Variants in PPM1E observed in about 807,000 individuals in gnomAD.
The protein encoded by PPM1E is protein phosphatase 1E.
In PPM1E, 20 loss-of-function variants were observed where a neutral mutation model predicts 65.9. That is an observed-to-expected ratio of 0.30 (90% CI 0.21 to 0.44). The LOEUF (loss-of-function observed/expected upper bound fraction) is 0.44, where lower values mean the gene tolerates loss of function less well. Among genes scored for constraint, PPM1E ranks in the 20% least tolerant of loss-of-function variants. The probability of loss-of-function intolerance (pLI) is 1.00; values close to 1 mark genes in which losing one functional copy is unlikely to be tolerated. For missense variants in PPM1E, 713 were observed against 953.1 expected (o/e 0.75, Z 3.32); for synonymous variants, 352 against 374.9 (o/e 0.94, Z 0.70).
intron 1 of PPM1E, among the ~76,000 whole-genome samples, chr17:58,952,431 C>A (rs984767668): frequency 1.3e-5 from 2 of 152,160 alleles, no homozygotes; most frequent in South Asian, 2.1e-4. Context: ...TGGAAGAAGA[C>A]CTGCCAGCCT....
At chr17:58,759,880 A>AAAAG (rs1252636810) in intron 1 of PPM1E, among the ~76,000 whole-genome samples, 2 of 152,242 alleles carry the variant, frequency 1.3e-5, no homozygotes, top group Non-Finnish European at 2.9e-5. Context: ...AAATCATTAA[A>AAAAG]CTTTATCTAA....
intron 1 of PPM1E, among the ~76,000 whole-genome samples, chr17:58,758,751 T>A (rs1237330358): frequency 6.6e-6 from 1 of 152,172 alleles, no homozygotes; most frequent in African/African-American, 2.4e-5. Context: ...GCTGGCTTGT[T>A]CATGTAAAGT....
At position 58,869,681 on chromosome 17, in the gene PPM1E, CT is replaced by C. The variant is rs1301335813; in HGVS notation, c.465-85965del. Reference sequence around the variant, plus strand: ...ATAAATTACCCAGTCTCAGGTATTCCTTTATAGCAACACAAAGACAGACTAA... The same window carrying C: ...ATAAATTACCCAGTCTCAGGTATTCCTTATAGCAACACAAAGACAGACTAA... On this transcript the variant is annotated intron_variant, in intron 1 of 6. Coordinates refer to ENST00000308249, the MANE Select transcript of PPM1E (RefSeq NM_014906.5). Among the ~76,000 whole-genome samples the C allele has an allele frequency of 2.6e-5, 4 of 152,158 alleles. No homozygotes were observed. The East Asian group carries it at 7.7e-4, about 29-fold the overall frequency.
At chr17:58,873,207 C>T (rs146255527) in intron 1 of PPM1E, among the ~76,000 whole-genome samples, 51 of 152,102 alleles carry the variant, frequency 3.4e-4, no homozygotes, top group African/African-American at 1.2e-3. Flanking sequence ...TTAATATTAA[C>T]GAAATTTAGG....
intron 2 of PPM1E, among the ~76,000 whole-genome samples, chr17:58,956,829 C>G (rs1321414127): frequency 6.6e-6 from 1 of 152,040 alleles, no homozygotes; most frequent in Admixed American, 6.6e-5. Context: ...ATATATGGAG[C>G]AAAGCATATG....
chr17:58,964,941 A>C (rs2030173636), intron 2 of PPM1E, among the ~76,000 whole-genome samples: 1 of 151,856 alleles, frequency 6.6e-6, no homozygotes, highest in Non-Finnish European at 1.5e-5. Context: ...GCCACTTGGG[A>C]GGCTGAGGCA....
chr17:58,944,514 T>C (rs555443960), intron 1 of PPM1E, among the ~76,000 whole-genome samples: 1 of 152,240 alleles, frequency 6.6e-6, no homozygotes, highest in South Asian at 2.1e-4. Context: ...AGCCCTAAGC[T>C]ACCACTACTC....
In PPM1E at chr17:58,982,945, C is replaced by T. The variant is rs73317214; in HGVS notation, c.*1914C>T. On this transcript the variant is annotated 3_prime_UTR_variant, in exon 7 of 7. Coordinates refer to ENST00000308249, the MANE Select transcript of PPM1E (RefSeq NM_014906.5). ...ATCTAAGAAAACAAGAAAACAAAGG[C>T]AGCAGACTATTGGTACACATTATAG... is the stretch of plus-strand genomic sequence containing the variant. The T allele has an allele frequency of 1.8e-3, 2,886 of 1,568,672 alleles. 44 individuals are homozygous for T. The African/African-American group carries it at 0.032, about 17-fold the overall frequency.
At chr17:58,787,903 T>A (rs1288342814) in intron 1 of PPM1E, among the ~76,000 whole-genome samples, 6 of 130,892 alleles carry the variant, frequency 4.6e-5, no homozygotes, top group Non-Finnish European at 6.6e-5. Flanking sequence ...TAAGACTCTG[T>A]CTAAAAAAAA....
At chr17:58,902,287 G>C (rs1287963821) in intron 1 of PPM1E, among the ~76,000 whole-genome samples, 1 of 151,944 alleles carries the variant, frequency 6.6e-6, no homozygotes, top group Admixed American at 6.6e-5. Context: ...GCTAAGTTAG[G>C]GTTGCAGTCA....
At chr17:58,758,032 G>A (rs190155903) in intron 1 of PPM1E, among the ~76,000 whole-genome samples, 3 of 152,184 alleles carry the variant, frequency 2.0e-5, no homozygotes, top group Admixed American at 2.0e-4. Flanking sequence ...GTTTATTAAG[G>A]GAATTTATCT....
chr17:58,863,536 G>A (rs1000600865), intron 1 of PPM1E, among the ~76,000 whole-genome samples: 2 of 152,218 alleles, frequency 1.3e-5, no homozygotes, highest in Non-Finnish European at 2.9e-5. Flanking sequence ...TGGGCTTTTT[G>A]CCTCATTGTG....
chr17:58,894,739 T>C (rs1383955182), intron 1 of PPM1E, among the ~76,000 whole-genome samples: 2 of 152,118 alleles, frequency 1.3e-5, no homozygotes, highest in African/African-American at 4.8e-5. Flanking sequence ...CCATTATAAT[T>C]GTTTAATGTT....
intron 1 of PPM1E, among the ~76,000 whole-genome samples, chr17:58,825,186 AAAAG>A (rs1390949228): frequency 1.3e-5 from 2 of 151,566 alleles, no homozygotes; most frequent in South Asian, 2.1e-4. Flanking sequence ...TAAAATAAAA[AAAAG>A]AAAGGCTTGA....
intron 1 of PPM1E, among the ~76,000 whole-genome samples, chr17:58,810,050 C>A (rs529555547): frequency 6.6e-6 from 1 of 152,230 alleles, no homozygotes; most frequent in Non-Finnish European, 1.5e-5. Context: ...TGTACCAAAT[C>A]TTTGAAATCT....
rs1555612293 is a variant in PPM1E at position 58,825,265 on chromosome 17, A to AC, written c.464+68804_464+68805insC. ...ACACACACACACACACACACACACA[A>AC]AAATAAATAGAATGAAATATCTGGC... On this transcript the variant is annotated intron_variant, in intron 1 of 6. Transcript: ENST00000308249. 1.1e-3 allele frequency among the ~76,000 whole-genome samples: 145 copies of AC among 126,518 alleles called. 1 individual carries two copies. Among genetic ancestry groups the AC allele is most frequent in the South Asian group, 8.6e-3 (35 of 4,080 alleles). The allele number at this position is 126,518 out of a possible 152,430, so 83.0% of individuals were successfully genotyped here. A position where few individuals can be genotyped will look rare whatever the true frequency, so the allele number is the denominator to read the frequency against.
At chr17:58,961,418 C>T (rs890441975) in intron 2 of PPM1E, among the ~76,000 whole-genome samples, 1 of 152,058 alleles carries the variant, frequency 6.6e-6, no homozygotes, top group African/African-American at 2.4e-5. Context: ...TCAGACAGAC[C>T]TAGGATTGAG....
At chr17:58,868,218 A>G (rs1306543517) in intron 1 of PPM1E, among the ~76,000 whole-genome samples, 3 of 152,108 alleles carry the variant, frequency 2.0e-5, no homozygotes. Context: ...CAGTCCCAGC[A>G]ACTCAGGAGG....
intron 1 of PPM1E, among the ~76,000 whole-genome samples, chr17:58,880,085 T>C (rs556874518): frequency 6.6e-6 from 1 of 152,194 alleles, no homozygotes; most frequent in Non-Finnish European, 1.5e-5. Flanking sequence ...AAAGTAGCTG[T>C]GAAAAAGCAG....
Sources: allele counts gnomAD v4.1 joint callset (sites outside exome capture counted in the v4.1 genomes callset), GRCh38; gene constraint gnomAD v4.1.1; transcripts MANE v1.5; gene names NCBI Gene and HGNC (gene_info 2026-07-23, HGNC 2026-07-21).